Variants in ACTA2 observed in about 807,000 individuals in gnomAD.
The protein encoded by ACTA2 is actin alpha 2, smooth muscle, also known as actin, aortic smooth muscle.
A neutral mutation model predicts 39.5 loss-of-function variants in ACTA2; 12 were observed. That is an observed-to-expected ratio of 0.30 (90% CI 0.19 to 0.49). The LOEUF is 0.49. ACTA2 is among the 20% of genes least tolerant of loss of function. The probability of loss-of-function intolerance (pLI) is 0.99; values close to 1 mark genes in which losing one functional copy is unlikely to be tolerated. For synonymous variants in ACTA2, 158 were observed against 180.6 expected, an observed-to-expected ratio of 0.88 and a Z score of 1.00; for missense variants, 236 against 498.8, an observed-to-expected ratio of 0.47 and a Z score of 5.02.
chr10:88,963,046 C>G (rs896705392), intron 1 of ACTA2, among the ~76,000 whole-genome samples: 1 of 148,984 alleles, frequency 6.7e-6, no homozygotes, highest in Middle Eastern at 3.6e-3. Context: ...CATCAGATCT[C>G]ATGAGACTTA....
intron 1 of ACTA2, among the ~76,000 whole-genome samples, chr10:88,963,914 TC>T (rs1333064102): frequency 7.2e-5 from 11 of 152,176 alleles, no homozygotes; most frequent in Non-Finnish European, 1.3e-4. Context: ...CAGTTTCTAA[TC>T]CTCTTTTAGC....
chr10:88,967,394 C>G (rs1008762373), intron 1 of ACTA2, among the ~76,000 whole-genome samples: 2 of 152,108 alleles, frequency 1.3e-5, no homozygotes, highest in African/African-American at 4.8e-5. Flanking sequence ...CATCTCACCT[C>G]AGTTTTTTCA....
chr10:88,986,632 C>A (rs753742624), intron 1 of ACTA2, among the ~76,000 whole-genome samples: 1 of 151,084 alleles, frequency 6.6e-6, no homozygotes, highest in Non-Finnish European at 1.5e-5. Flanking sequence ...GGAAGTAGTA[C>A]AGAAAGGAAG....
At chr10:88,945,836 T>C (rs184131538) in intron 3 of ACTA2, among the ~76,000 whole-genome samples, 1 of 152,304 alleles carries the variant, frequency 6.6e-6, no homozygotes, top group Non-Finnish European at 1.5e-5. Flanking sequence ...CTTTCAAGAA[T>C]GGGCTGTTTA....
At chr10:88,942,673 T>A (rs147718387) in intron 4 of ACTA2, among the ~76,000 whole-genome samples, 91 of 152,300 alleles carry the variant, frequency 6.0e-4, no homozygotes, top group African/African-American at 2.0e-3. Flanking sequence ...TTTCTCCATC[T>A]GTAAGACCCT....
At chr10:88,960,921 T>C (rs769201398) in intron 1 of ACTA2, among the ~76,000 whole-genome samples, 7 of 152,168 alleles carry the variant, frequency 4.6e-5, no homozygotes, top group Non-Finnish European at 8.8e-5. Context: ...TTGGTAAAGC[T>C]ACAGTTAGAG....
At chr10:88,962,112 G>A (rs921139107) in intron 1 of ACTA2, among the ~76,000 whole-genome samples, 10 of 152,054 alleles carry the variant, frequency 6.6e-5, no homozygotes, top group Admixed American at 3.3e-4. Flanking sequence ...CTCCTGCAAG[G>A]GATTGGCCAC....
At chr10:88,987,399 C>T (rs2133367714) in intron 1 of ACTA2, among the ~76,000 whole-genome samples, 1 of 152,254 alleles carries the variant, frequency 6.6e-6, no homozygotes, top group East Asian at 1.9e-4. Flanking sequence ...TTGGGTGGTC[C>T]AGGGTTCAAT....
chr10:88,962,933 AT>A (rs142527364), intron 1 of ACTA2, among the ~76,000 whole-genome samples: 1,738 of 11,880 alleles, frequency 0.15, 178 homozygotes, highest in African/African-American at 0.41. Context: ...ATATATATAT[AT>A]ATATATATAT....
In ACTA2 at chr10:88,965,807, T is replaced by C. The variant is rs11202913; in HGVS notation, c.-23-16854A>G. ...GAGTGTCAATTTTATGATCCACTGC[T>C]GGTTTGGGCTGATTTGCTTTTAACT... On this transcript the variant is annotated intron_variant, in intron 1 of 4. Coordinates refer to the ACTA2 transcript ENST00000415557. Among the ~76,000 whole-genome samples the C allele has an allele frequency of 8.1e-3, 1,227 of 152,300 alleles. 26 individuals carry two copies. The highest frequency in any genetic ancestry group is 0.028 in the African/African-American group (1,153 of 41,560).
chr10:88,935,130 T>G lies in ACTA2; in HGVS notation c.*93A>C. The G allele has an allele frequency of 6.4e-7, 1 of 1,557,838 alleles. No homozygotes were observed. Among genetic ancestry groups the G allele is most frequent in the Non-Finnish European group, 8.8e-7 (1 of 1,134,616 alleles). On this transcript the variant is annotated 3_prime_UTR_variant, in exon 9 of 9. Transcript: ENST00000224784. ...AACACATAGGTAACGAGTCAGAGCT[T>G]TGGCTAGGAATGATTTGGAAAAGAA...
chr10:88,962,984 T>A (rs1356072007), intron 1 of ACTA2, among the ~76,000 whole-genome samples: 1 of 131,492 alleles, frequency 7.6e-6, no homozygotes, highest in Non-Finnish European at 1.6e-5. Context: ...TATAATATTT[T>A]TTTTTTTGCA....
chr10:88,952,243 A>G (rs186903504), intron 1 of ACTA2, among the ~76,000 whole-genome samples: 1 of 152,356 alleles, frequency 6.6e-6, no homozygotes. Context: ...TTCAGGCACA[A>G]TCAAAGACTA....
chr10:88,945,325 T>C (rs531005508), intron 3 of ACTA2, among the ~76,000 whole-genome samples: 3 of 152,338 alleles, frequency 2.0e-5, no homozygotes, highest in East Asian at 1.9e-4. Flanking sequence ...CCTACTGATA[T>C]GAAATTTTTG....
intron 6 of ACTA2, chr10:88,940,102 T>C (rs774661194): frequency 3.7e-6 from 1 of 270,524 alleles, no homozygotes; most frequent in African/African-American, 2.2e-5. Flanking sequence ...CAGGATATCT[T>C]ATGCTGAATC....
At position 88,938,151 on chromosome 10, in the gene ACTA2, G is replaced by C; in HGVS notation, c.900C>G (p.Val300=). The stretch of plus-strand genomic sequence containing the variant: ...GGTACATAGTGGTGCCCCCTGATAG[G>C]ACATTGTTAGCATAGAGGTCCTTCC... ...DIRKDLYANN[V]LSGGTTMYPG... is the part of the protein sequence containing the mutation. The change falls in exon 8 of 9, where the codon GTC becomes GTG. Residue 300 remains valine (V), a synonymous_variant. Coordinates refer to ENST00000224784, the MANE Select transcript of ACTA2 (RefSeq NM_001613.4). 6.2e-7 allele frequency: 1 copy of C among 1,614,006 alleles called. No homozygotes were observed. Among genetic ancestry groups the C allele is most frequent in the Non-Finnish European group, 8.5e-7 (1 of 1,179,934 alleles).
At chr10:88,983,631 AAAAAAAAACACACACACAC>A (rs1846774303) in intron 1 of ACTA2, among the ~76,000 whole-genome samples, 1 of 145,248 alleles carries the variant, frequency 6.9e-6, no homozygotes, top group Non-Finnish European at 1.5e-5. Flanking sequence ...AAAAAAAAAA[AAAAAAAAACACACACACAC>A]ACACACACAC....
At chr10:88,954,423 C>T (rs917154608), upstream of ACTA2, among the ~76,000 whole-genome samples, 1 of 152,084 alleles carries the variant, frequency 6.6e-6, no homozygotes, top group Non-Finnish European at 1.5e-5. Context: ...TAAAGTTGGG[C>T]ATTTGGGGTT....
At chr10:88,942,816 A>G (rs1199460549) in intron 4 of ACTA2, among the ~76,000 whole-genome samples, 1 of 152,030 alleles carries the variant, frequency 6.6e-6, no homozygotes, top group Non-Finnish European at 1.5e-5. Context: ...TGCGACGTGC[A>G]GTGATTCCCA....
Sources: allele counts gnomAD v4.1 joint callset (sites outside exome capture counted in the v4.1 genomes callset), GRCh38; gene constraint gnomAD v4.1.1; transcripts MANE v1.5; gene names NCBI Gene and HGNC (gene_info 2026-07-23, HGNC 2026-07-21).